The following PCDHA11 variants were observed in gnomAD, a reference collection of about 807,000 sequenced individuals.
PCDHA11 encodes protocadherin alpha-11.
A neutral mutation model predicts 70.3 loss-of-function variants in PCDHA11; 61 were observed. The observed-to-expected ratio is 0.87, with a 90% CI of 0.71 to 1.07. The LOEUF is 1.07. Among genes scored for constraint, PCDHA11 ranks in the 50% least tolerant of loss-of-function variants. The pLI is 0.00. For missense variants in PCDHA11, 1,324 were observed against 1,237.5 expected, an observed-to-expected ratio of 1.07 and a Z score of -1.05; for synonymous variants, 633 against 555.1, an observed-to-expected ratio of 1.14 and a Z score of -1.97.
At chr5:140,899,894 A>G (rs2067617727) in intron 1 of PCDHA11, among the ~76,000 whole-genome samples, 1 of 151,938 alleles carries the variant, frequency 6.6e-6, no homozygotes, top group African/African-American at 2.4e-5. Context: ...TGCAGCCTTG[A>G]CATCCTGGGC....
Position 141,010,878 on chromosome 5 carries a change from A to C in PCDHA11, c.*941A>C, listed in dbSNP as rs2098418656. 1.3e-5 allele frequency: 2 copies of C among 153,770 alleles called. No homozygotes were observed. Among genetic ancestry groups the C allele is most frequent in the South Asian group, 4.1e-4 (2 of 4,830 alleles). The allele number at this position is 153,770 out of a possible 1,614,324, so 9.5% of individuals were successfully genotyped here. ...GAAAGTCTATAGCTATAAATCTTTA[A>C]AGAGAAATATGAATACAATTCCCCT... On this transcript the variant is annotated 3_prime_UTR_variant, in exon 4 of 4. Transcript: ENST00000398640.
intron 1 of PCDHA11, chr5:140,969,336 GA>G: frequency 2.5e-6 from 4 of 1,613,996 alleles, no homozygotes; most frequent in Non-Finnish European, 3.4e-6. Context: ...AATGAGGTGA[GA>G]CAGTGGTCAG....
chr5:140,926,656 T>C (rs1372034097), intron 1 of PCDHA11: 1 of 513,300 alleles, frequency 1.9e-6, no homozygotes, highest in Non-Finnish European at 3.1e-6. Flanking sequence ...CGGCTCCGCT[T>C]TCCCAGACGG....
At chr5:140,903,401 T>A (rs577425497) in intron 1 of PCDHA11, among the ~76,000 whole-genome samples, 2 of 152,336 alleles carry the variant, frequency 1.3e-5, no homozygotes, top group East Asian at 3.9e-4. Flanking sequence ...GAAACAGTAG[T>A]GCAGTCAGGA....
At position 140,883,268 on chromosome 5, in the gene PCDHA11, T is replaced by C. The variant is rs782069573; in HGVS notation, c.2391+11774T>C. 3 of 1,613,912 alleles carry C rather than the reference T, an allele frequency of 1.9e-6. No homozygotes were observed. The African/African-American group carries it at 4.0e-5, about 22-fold the overall frequency. On this transcript the variant is annotated intron_variant, in intron 1 of 3. Coordinates refer to ENST00000398640, the MANE Select transcript of PCDHA11 (RefSeq NM_018902.5). ...AGGAAATATTCCAATGGCGGGTCAT[T>C]GTACCCTTTTGGTGGAAGTACTAGA...
intron 1 of PCDHA11, among the ~76,000 whole-genome samples, chr5:140,878,898 G>A (rs2057763490): frequency 6.6e-6 from 1 of 152,154 alleles, no homozygotes; most frequent in South Asian, 2.1e-4. Flanking sequence ...ACTACAGGCA[G>A]GCTCCACCAC....
rs373601874 is a variant in PCDHA11, at chr5:140,873,473, C to T, written c.2391+1979C>T. ...TTTGCATTTTAGATAATTCAAATTACTTGGACTGATTTCTGCAAAGTTGTG... is the reference window on the plus strand; with the variant it reads ...TTTGCATTTTAGATAATTCAAATTATTTGGACTGATTTCTGCAAAGTTGTG... On this transcript the variant is annotated intron_variant, in intron 1 of 3. Transcript: ENST00000398640. Among the ~76,000 whole-genome samples the T allele has an allele frequency of 1.5e-4, 23 of 152,180 alleles. No homozygotes were observed. The East Asian group carries it at 2.3e-3, about 15-fold the overall frequency.
intron 1 of PCDHA11, chr5:140,967,572 A>T (rs782502082): frequency 4.3e-6 from 7 of 1,613,544 alleles, no homozygotes; most frequent in Middle Eastern, 3.3e-4. Flanking sequence ...CTACGGGAGG[A>T]CTCACCCCCA....
intron 1 of PCDHA11, among the ~76,000 whole-genome samples, chr5:140,946,311 T>C (rs896667905): frequency 6.6e-6 from 1 of 151,784 alleles, no homozygotes; most frequent in Non-Finnish European, 1.5e-5. Flanking sequence ...AGAATGGCTA[T>C]TATTGAAAGA....
At chr5:140,872,497 C>T (rs1554166232) in intron 1 of PCDHA11, among the ~76,000 whole-genome samples, 1 of 152,150 alleles carries the variant, frequency 6.6e-6, no homozygotes, top group Non-Finnish European at 1.5e-5. Flanking sequence ...CCTAGTGGTG[C>T]ATGCCTGTAG....
intron 1 of PCDHA11, chr5:140,967,843 T>G (rs782701780): frequency 6.2e-7 from 1 of 1,614,102 alleles, no homozygotes; most frequent in East Asian, 2.2e-5. Flanking sequence ...TGGACGTGAA[T>G]GACAATGCCC....
intron 1 of PCDHA11, chr5:140,968,891 A>G (rs782512271): frequency 1.5e-5 from 24 of 1,614,060 alleles, no homozygotes; most frequent in South Asian, 1.1e-4. Context: ...CCTTTATCTA[A>G]TAATAGCATT....
At chr5:140,882,092 A>C (rs59479) in intron 1 of PCDHA11, 748,334 of 1,137,016 alleles carry the variant, frequency 0.66, 247,467 homozygotes, top group African/African-American at 0.7. Flanking sequence ...CTTCACTGAG[A>C]ACGTTTCCGC....
intron 1 of PCDHA11, among the ~76,000 whole-genome samples, chr5:140,908,581 G>A (rs2074042639): frequency 6.6e-6 from 1 of 152,178 alleles, no homozygotes; most frequent in Non-Finnish European, 1.5e-5. Context: ...AAGGAGAGTA[G>A]TTAGCTGCAG....
intron 3 of PCDHA11, among the ~76,000 whole-genome samples, chr5:141,003,141 AGACTC>A (rs1554258926): frequency 1.3e-5 from 2 of 152,202 alleles, no homozygotes; most frequent in African/African-American, 4.8e-5. Flanking sequence ...GCCTTGGCAA[AGACTC>A]TGACCTGATC....
rs1554165295 is a variant in PCDHA11 at position 140,871,234 on chromosome 5, G to T, written c.2131G>T (p.Val711Leu). ...CATCTGCGTGGTGTCCAGCCTCCTG[G>T]TACTCACGCTGCTGCTGTATACGGC... Reference protein sequence around the residue: ...IAICVVSSLLVLTLLLYTALW... With the variant: ...IAICVVSSLLLLTLLLYTALW... Residue 711 changes from valine to leucine, a missense_variant, in exon 1 of 4, where the codon GTA becomes TTA. By Grantham distance (32) the Val-to-Leu change is conservative. Transcript: ENST00000398640. 1.9e-6 allele frequency: 3 copies of T among 1,613,844 alleles called. No homozygotes were observed. Among genetic ancestry groups the T allele is most frequent in the Non-Finnish European group, 2.5e-6 (3 of 1,179,962 alleles).
chr5:140,916,864 T>A (rs2077768356), intron 1 of PCDHA11, among the ~76,000 whole-genome samples: 1 of 152,156 alleles, frequency 6.6e-6, no homozygotes, highest in African/African-American at 2.4e-5. Flanking sequence ...AGGAGTTACC[T>A]AGGAATTGCA....
At chr5:140,953,928 C>T (rs246028) in intron 1 of PCDHA11, among the ~76,000 whole-genome samples, 85,608 of 151,876 alleles carry the variant, frequency 0.56, 24,758 homozygotes, top group African/African-American at 0.69. Flanking sequence ...CTTCCTGATG[C>T]TCTCCCTCCC....
At chr5:140,927,258 T>C in intron 1 of PCDHA11, 1 of 1,613,878 alleles carries the variant, frequency 6.2e-7, no homozygotes, top group Non-Finnish European at 8.5e-7. Context: ...ACAACTCACC[T>C]CTCTTTCCTG....
Sources: allele counts gnomAD v4.1 joint callset (sites outside exome capture counted in the v4.1 genomes callset), GRCh38; gene constraint gnomAD v4.1.1; transcripts MANE v1.5; gene names NCBI Gene and HGNC (gene_info 2026-07-23, HGNC 2026-07-21).